TRAK1: variants seen among roughly 807,000 people sequenced by gnomAD.
TRAK1 encodes the protein trafficking kinesin-binding protein 1.
A neutral mutation model predicts 92.1 loss-of-function variants in TRAK1; 33 were observed. That is an observed-to-expected ratio of 0.36 (90% confidence interval 0.27 to 0.48). The LOEUF is 0.48. TRAK1 is among the 20% of genes least tolerant of loss of function. TRAK1 has a pLI of 0.99. For synonymous variants in TRAK1, 521 were observed against 517.3 expected, an observed-to-expected ratio of 1.01 and a Z score of -0.10; for missense variants, 1,123 against 1,257.9, an observed-to-expected ratio of 0.89 and a Z score of 1.62.
At chr3:42,219,977 G>A (rs893426260) in intron 15 of TRAK1, among the ~76,000 whole-genome samples, 4 of 151,858 alleles carry the variant, frequency 2.6e-5, no homozygotes, top group South Asian at 4.2e-4. Context: ...CCCACCTTTA[G>A]TTGCCCTTTT....
chr3:42,090,456 C>T (rs765828137), upstream of TRAK1, among the ~76,000 whole-genome samples: 3 of 152,164 alleles, frequency 2.0e-5, no homozygotes, highest in African/African-American at 4.8e-5. Flanking sequence ...GAGGCCGAGG[C>T]GGGCAGATCA....
At chr3:42,115,729 C>G (rs1258328668) in intron 1 of TRAK1, among the ~76,000 whole-genome samples, 1 of 152,204 alleles carries the variant, frequency 6.6e-6, no homozygotes, top group African/African-American at 2.4e-5. Context: ...GTCCTTCTCT[C>G]TTCTGGAGAT....
At chr3:42,174,720 T>TTA (rs1464641090) in intron 2 of TRAK1, among the ~76,000 whole-genome samples, 2 of 148,404 alleles carry the variant, frequency 1.3e-5, no homozygotes, top group East Asian at 3.9e-4. Flanking sequence ...ATATAAAATT[T>TTA]TATATATATA....
chr3:42,022,030 G>T (rs2148880979), intron 1 of TRAK1, among the ~76,000 whole-genome samples: 1 of 152,292 alleles, frequency 6.6e-6, no homozygotes, highest in East Asian at 1.9e-4. Context: ...CACCTCAAGG[G>T]TGGGGTGTGC....
At chr3:42,172,341 CT>C (rs1055748979) in intron 2 of TRAK1, among the ~76,000 whole-genome samples, 2 of 152,190 alleles carry the variant, frequency 1.3e-5, no homozygotes, top group Non-Finnish European at 2.9e-5. Flanking sequence ...GGACATCACT[CT>C]TGTCCTTGTT....
chr3:42,191,503 T>G, intron 6 of TRAK1, 55 bp from the exon 7 acceptor site: 2 of 1,532,164 alleles, frequency 1.3e-6, no homozygotes, highest in Non-Finnish European at 1.8e-6. Flanking sequence ...AGCCCTTGCC[T>G]GCACCACCAG....
At chr3:42,149,145 G>C in intron 2 of TRAK1, 6 of 992,502 alleles carry the variant, frequency 6.0e-6, no homozygotes, top group Non-Finnish European at 7.2e-6. Context: ...CGGCGAGCAG[G>C]AGACGAGGCT....
intron 1 of TRAK1, among the ~76,000 whole-genome samples, chr3:42,116,350 T>C (rs1252827354): frequency 6.6e-6 from 1 of 152,234 alleles, no homozygotes; most frequent in Non-Finnish European, 1.5e-5. Flanking sequence ...ATCACAACTT[T>C]TGTGGTATGG....
rs1037595292 is a variant in TRAK1 at position 42,102,034 on chromosome 3, G to A, written c.91+10474G>A. On this transcript the variant is annotated intron_variant, in intron 1 of 15. Transcript: ENST00000327628. ...GGAGTCTCACTCTATCACCTAGGCTGGAGTGTAGTGATGCCATCTCAGCTC... is the reference window on the plus strand; with the variant it reads ...GGAGTCTCACTCTATCACCTAGGCTAGAGTGTAGTGATGCCATCTCAGCTC... 3.3e-5 allele frequency among the ~76,000 whole-genome samples: 5 copies of A among 152,300 alleles called. No individual in the cohort carries two copies. In the East Asian group the frequency reaches 9.6e-4, roughly 29 times the overall value.
chr3:42,206,555 T>G (rs1708354326), intron 13 of TRAK1, among the ~76,000 whole-genome samples: 1 of 152,204 alleles, frequency 6.6e-6, no homozygotes, highest in East Asian at 1.9e-4. Context: ...CGTACTCAAG[T>G]TTCCTCATCT....
chr3:42,177,051 G>A (rs191336216), intron 3 of TRAK1, among the ~76,000 whole-genome samples, 161 bp downstream of exon 3: 2 of 152,316 alleles, frequency 1.3e-5, no homozygotes, highest in African/African-American at 4.8e-5. Flanking sequence ...TAGTAGCTAT[G>A]TAGGCCTTTA....
At chr3:42,053,588 C>T (rs1002148249) in intron 1 of TRAK1, among the ~76,000 whole-genome samples, 4 of 151,976 alleles carry the variant, frequency 2.6e-5, no homozygotes, top group African/African-American at 4.8e-5. Context: ...CTCCTCACCC[C>T]GCCCCCAGGA....
Position 42,223,640 on chromosome 3 carries a change from C to G in TRAK1, c.2765C>G (p.Thr922Ser). The change falls in exon 16 of 16, where the codon ACC (threonine) becomes AGC (serine). Residue 922 changes from threonine to serine, a missense_variant. By Grantham distance (58) the Thr-to-Ser change is moderately conservative. This residue lies in a region of TRAK1 where 401 missense variants were observed against 438.9 expected (regional missense o/e 0.91). Coordinates refer to ENST00000327628, the MANE Select transcript of TRAK1 (RefSeq NM_001042646.3). The surrounding 1 kb of genome is among the most constrained non-coding windows in gnomAD (Gnocchi z 6.1). ...ATCCGGCGGAATCGCAGCTTCCCCACCATGGTGGGATCTAGCATGCAGATG... is the reference window on the plus strand; with the variant it reads ...ATCCGGCGGAATCGCAGCTTCCCCAGCATGGTGGGATCTAGCATGCAGATG... ...SGIRRNRSFP[T>S]MVGSSMQMKA... 1 of 1,614,140 alleles carries G rather than the reference C, an allele frequency of 6.2e-7. No individual in the cohort carries two copies. The highest frequency in any genetic ancestry group is 8.5e-7 in the Non-Finnish European group (1 of 1,180,028).
Position 42,054,946 on chromosome 3 carries a change from A to G in TRAK1, c.-518-32158A>G, listed in dbSNP as rs1343284550. Reference sequence around the variant, plus strand: ...TTTTTTTTTTTTTTTTTTGAGACAGAGTCTCACTCTGTCACCCAGGCTGGA... The same window carrying G: ...TTTTTTTTTTTTTTTTTTGAGACAGGGTCTCACTCTGTCACCCAGGCTGGA... On this transcript the variant is annotated intron_variant, in intron 1 of 16. Coordinates refer to the TRAK1 transcript ENST00000487159. Among the ~76,000 whole-genome samples the G allele has an allele frequency of 1.2e-4, 10 of 85,998 alleles. 1 individual carries two copies. Among genetic ancestry groups the G allele is most frequent in the Non-Finnish European group, 1.5e-4 (7 of 47,386 alleles). 56.4% of individuals were successfully genotyped at this position (85,998 alleles called of 152,430 possible). A position where few individuals can be genotyped will look rare whatever the true frequency, so the allele number is the denominator to read the frequency against.
chr3:42,043,280 T>G (rs1702620314), intron 1 of TRAK1, among the ~76,000 whole-genome samples: 1 of 151,950 alleles, frequency 6.6e-6, no homozygotes, highest in African/African-American at 2.4e-5. Flanking sequence ...CTTTCTTCCC[T>G]TGTCCTCTTA....
At chr3:42,070,264 A>T (rs1223538549) in intron 1 of TRAK1, among the ~76,000 whole-genome samples, 2 of 146,946 alleles carry the variant, frequency 1.4e-5, no homozygotes, top group South Asian at 2.1e-4. Flanking sequence ...TATAATTATA[A>T]TAATTATGAA....
intron 1 of TRAK1, among the ~76,000 whole-genome samples, chr3:42,102,711 C>G (rs920376293): frequency 2.6e-5 from 4 of 152,140 alleles, no homozygotes; most frequent in African/African-American, 9.7e-5. Flanking sequence ...GCATGCGGGC[C>G]CCTAGTCTGA....
intron 14 of TRAK1, chr3:42,212,398 A>G (rs957626204): frequency 1.0e-6 from 1 of 985,322 alleles, no homozygotes; most frequent in African/African-American, 1.7e-5. Flanking sequence ...CTGGTATGAT[A>G]GAAGGAAATT....
chr3:42,078,046 A>G (rs1308578110), intron 1 of TRAK1, among the ~76,000 whole-genome samples: 1 of 152,208 alleles, frequency 6.6e-6, no homozygotes, highest in African/African-American at 2.4e-5. Flanking sequence ...GAACTTGGCC[A>G]GAGGCTGCTG....
Sources: gnomAD v4.1 joint callset for allele counts (sites outside exome capture counted in the v4.1 genomes callset) on GRCh38, gnomAD v4.1.1 for gene constraint, gnomAD v4.1.1 regional missense constraint, Gnocchi (gnomAD v3.1) non-coding constraint, MANE v1.5 for transcripts, NCBI Gene and HGNC (gene_info 2026-07-23, HGNC 2026-07-21) for gene names.